The following CTNNA3 variants were observed in gnomAD, a reference collection of about 807,000 sequenced individuals.
The protein encoded by CTNNA3 is catenin alpha 3, also known as catenin alpha-3.
CTNNA3 carries 76 observed loss-of-function variants against 95.7 expected under a neutral mutation model. That is an observed-to-expected ratio of 0.79 (90% CI 0.66 to 0.96). The LOEUF (loss-of-function observed/expected upper bound fraction) is 0.96. Ranked by LOEUF, CTNNA3 falls within the 40% of genes least tolerant of loss-of-function variation. CTNNA3 has a pLI of 0.00. For synonymous variants in CTNNA3, 431 were observed against 374.4 expected, an observed-to-expected ratio of 1.15 and a Z score of -1.74; for missense variants, 1,191 against 1,089.8, an observed-to-expected ratio of 1.09 and a Z score of -1.31.
intron 5 of CTNNA3, among the ~76,000 whole-genome samples, chr10:67,315,662 A>T (rs1192497298): frequency 2.0e-5 from 3 of 152,080 alleles, no homozygotes; most frequent in Non-Finnish European, 4.4e-5. Flanking sequence ...TTGAGCACAA[A>T]CTCTATTTTT....
At chr10:66,864,442 T>C (rs985474922) in intron 7 of CTNNA3, among the ~76,000 whole-genome samples, 2 of 152,170 alleles carry the variant, frequency 1.3e-5, no homozygotes, top group East Asian at 3.9e-4. Context: ...ACCTTGATAT[T>C]AGTTCTCCCA....
At chr10:67,011,272 C>T (rs1051679085) in intron 7 of CTNNA3, among the ~76,000 whole-genome samples, 7 of 147,960 alleles carry the variant, frequency 4.7e-5, no homozygotes, top group South Asian at 2.2e-4. Context: ...ACCCAGCAGA[C>T]GGAGGTTGCA....
At chr10:66,704,146 G>A (rs773242645) in intron 9 of CTNNA3, among the ~76,000 whole-genome samples, 15 of 151,906 alleles carry the variant, frequency 9.9e-5, no homozygotes, top group East Asian at 3.9e-4. Flanking sequence ...AGCTGTATAC[G>A]GTGTTTTTCT....
At chr10:67,407,768 C>A (rs1347734019) in intron 5 of CTNNA3, among the ~76,000 whole-genome samples, 4 of 152,130 alleles carry the variant, frequency 2.6e-5, no homozygotes, top group Non-Finnish European at 5.9e-5. Context: ...TCCTGTGGAA[C>A]AACAGCAGGC....
chr10:66,811,709 T>A (rs1437835055), intron 7 of CTNNA3, among the ~76,000 whole-genome samples: 1 of 152,194 alleles, frequency 6.6e-6, no homozygotes, highest in Non-Finnish European at 1.5e-5. Flanking sequence ...TTATACCATG[T>A]GCTAGGAATT....
intron 13 of CTNNA3, among the ~76,000 whole-genome samples, chr10:66,250,735 T>C (rs2132068613): frequency 6.6e-6 from 1 of 152,324 alleles, no homozygotes; most frequent in Non-Finnish European, 1.5e-5. Flanking sequence ...GCTTCTATTG[T>C]TTCTTCTCTT....
chr10:67,164,144 A>G (rs767262093), intron 7 of CTNNA3, among the ~76,000 whole-genome samples: 4 of 152,034 alleles, frequency 2.6e-5, no homozygotes, highest in Non-Finnish European at 4.4e-5. Flanking sequence ...ATGACAAAGT[A>G]GCTAGGATAG....
chr10:67,550,916 T>C (rs757987350), intron 3 of CTNNA3, among the ~76,000 whole-genome samples: 4 of 152,170 alleles, frequency 2.6e-5, no homozygotes, highest in Non-Finnish European at 5.9e-5. Context: ...CAGCAAACTT[T>C]CGTGTCTCAG....
At chr10:66,607,301 C>G (rs146257565) in intron 10 of CTNNA3, among the ~76,000 whole-genome samples, 1 of 151,538 alleles carries the variant, frequency 6.6e-6, no homozygotes. Flanking sequence ...GCCCACCAAT[C>G]GAAGAAAATG....
At chr10:66,730,726 C>T (rs61381466) in intron 9 of CTNNA3, among the ~76,000 whole-genome samples, 12,198 of 152,166 alleles carry the variant, frequency 0.08, 619 homozygotes, top group Middle Eastern at 0.18. Flanking sequence ...AGAGGCACTA[C>T]CAGAATAAGA....
intron 9 of CTNNA3, among the ~76,000 whole-genome samples, chr10:66,729,976 G>A (rs1331209365): frequency 6.6e-6 from 1 of 151,680 alleles, no homozygotes; most frequent in Non-Finnish European, 1.5e-5. Context: ...CGTGGTGGCA[G>A]GTGCCTGTAG....
chr10:67,221,785 AGGAT>A (rs1180949721), intron 5 of CTNNA3, among the ~76,000 whole-genome samples: 1 of 152,016 alleles, frequency 6.6e-6, no homozygotes, highest in Non-Finnish European at 1.5e-5. Flanking sequence ...CATGCTAGCC[AGGAT>A]GGTCTCGATC....
intron 5 of CTNNA3, among the ~76,000 whole-genome samples, chr10:67,243,266 A>AC (rs978165302): frequency 6.6e-6 from 1 of 151,562 alleles, no homozygotes. Context: ...GACTTTTCCA[A>AC]CCCCCCCAAC....
chr10:67,040,191 TAATGTTCTG>T lies in CTNNA3; in HGVS notation c.1047+140117_1047+140125del, dbSNP rs776537806. ...GGAAACAAGCTCTAATGGTGCCCTT[TAATGTTCTG>T]AAGACACAGGTGTTCTCTGTGAACT... On this transcript the variant is annotated intron_variant, in intron 7 of 17. Transcript: ENST00000433211. Among the ~76,000 whole-genome samples, 34 of 152,152 alleles carry T rather than the reference TAATGTTCTG, an allele frequency of 2.2e-4. 1 individual carries two copies. The highest frequency in any genetic ancestry group is 9.2e-4 in the Admixed American group (14 of 15,274).
At chr10:66,567,634 T>C (rs1842753717) in intron 10 of CTNNA3, among the ~76,000 whole-genome samples, 3 of 151,532 alleles carry the variant, frequency 2.0e-5, no homozygotes, top group Non-Finnish European at 4.4e-5. Context: ...AAAAATAAAA[T>C]AAAAATAAAC....
chr10:66,064,513 G>A (rs143060074), intron 15 of CTNNA3, among the ~76,000 whole-genome samples: 1 of 152,120 alleles, frequency 6.6e-6, no homozygotes, highest in East Asian at 1.9e-4. Context: ...TCACACACTT[G>A]GGATCTCTAT....
chr10:67,402,210 A>G (rs922742875), intron 5 of CTNNA3, among the ~76,000 whole-genome samples: 12 of 152,252 alleles, frequency 7.9e-5, no homozygotes, highest in Non-Finnish European at 1.5e-4. Flanking sequence ...AAAATGATTC[A>G]AGGGCTGAAA....
chr10:66,062,974 A>T (rs1190632146), intron 15 of CTNNA3, among the ~76,000 whole-genome samples: 1 of 152,054 alleles, frequency 6.6e-6, no homozygotes, highest in Non-Finnish European at 1.5e-5. Flanking sequence ...CAACAGTAAG[A>T]TATTAATTCC....
At chr10:67,052,187 G>A (rs1855141252) in intron 7 of CTNNA3, among the ~76,000 whole-genome samples, 1 of 152,032 alleles carries the variant, frequency 6.6e-6, no homozygotes. Context: ...CCTTATCTGT[G>A]GTACCAGCCA....
Sources: allele counts gnomAD v4.1 joint callset (sites outside exome capture counted in the v4.1 genomes callset), GRCh38; gene constraint gnomAD v4.1.1; transcripts MANE v1.5; gene names NCBI Gene and HGNC (gene_info 2026-07-23, HGNC 2026-07-21).